ZUP1: variants seen among roughly 807,000 people sequenced by gnomAD.
ZUP1 encodes the protein zinc finger containing ubiquitin peptidase 1, also known as zinc finger-containing ubiquitin peptidase 1.
ZUP1 carries 55 observed loss-of-function variants against 68.1 expected under a neutral mutation model. The ratio of observed to expected loss-of-function variants is 0.81; its 90% CI spans 0.65 to 1.01. The LOEUF (loss-of-function observed/expected upper bound fraction) is 1.01. ZUP1 is among the 50% of genes least tolerant of loss of function. ZUP1 has a pLI of 0.00. For synonymous variants in ZUP1, 223 were observed against 221.5 expected, an observed-to-expected ratio of 1.01 and a Z score of -0.06; for missense variants, 684 against 674.9, an observed-to-expected ratio of 1.01 and a Z score of -0.15.
chr6:116,655,543 T>C (rs1776636456), intron 5 of ZUP1, among the ~76,000 whole-genome samples: 1 of 152,118 alleles, frequency 6.6e-6, no homozygotes, highest in Non-Finnish European at 1.5e-5. Context: ...TAAGTAAATA[T>C]GGCAAAACAT....
chr6:116,643,845 A>C (rs1776200848), intron 9 of ZUP1, among the ~76,000 whole-genome samples: 1 of 152,204 alleles, frequency 6.6e-6, no homozygotes, highest in Admixed American at 6.5e-5. Flanking sequence ...AATGGGATCT[A>C]ATTAAACTAC....
At chr6:116,638,779 T>C (rs973307258) in intron 9 of ZUP1, among the ~76,000 whole-genome samples, 4 of 152,202 alleles carry the variant, frequency 2.6e-5, no homozygotes, top group Non-Finnish European at 5.9e-5. Flanking sequence ...GGGTGATTTC[T>C]GCATTTCCAT....
chr6:116,642,027 A>T (rs1296897385), intron 9 of ZUP1, among the ~76,000 whole-genome samples: 1 of 152,206 alleles, frequency 6.6e-6, no homozygotes, highest in Non-Finnish European at 1.5e-5. Flanking sequence ...CCACAGAAAT[A>T]CAAACTACCA....
chr6:116,635,950 A>G, intron 9 of ZUP1, 71 bp from the exon 10 acceptor site: 3 of 1,074,126 alleles, frequency 2.8e-6, no homozygotes, highest in Non-Finnish European at 3.9e-6. Context: ...TGTCATTCTA[A>G]TGTAAAAAAT....
intron 2 of ZUP1, among the ~76,000 whole-genome samples, chr6:116,661,817 A>G (rs751503489): frequency 3.9e-5 from 6 of 152,228 alleles, no homozygotes; most frequent in Non-Finnish European, 8.8e-5. Context: ...TAAAACTCCC[A>G]TAACAGATGA....
rs61692064 is a variant in ZUP1 at position 116,650,422 on chromosome 6, C to CAAAAAA, written c.1316+1144_1316+1149dup. Among the ~76,000 whole-genome samples the CAAAAAA allele has an allele frequency of 1.1e-3, 52 of 46,502 alleles. 1 individual carries two copies. The highest frequency in any genetic ancestry group is 3.2e-3 in the African/African-American group (35 of 10,838). 30.5% of individuals were successfully genotyped at this position (46,502 alleles called of 152,430 possible). On this transcript the variant is annotated intron_variant, in intron 7 of 9. Coordinates refer to ENST00000368576, the MANE Select transcript of ZUP1 (RefSeq NM_145062.3). The stretch of plus-strand genomic sequence containing the variant: ...GGGCAACACAGCAAAAACTCCGTCT[C>CAAAAAA]AAAAAAAAAAAAAAAAAAAAAAAGA...
chr6:116,661,138 A>G (rs376929611), intron 2 of ZUP1, among the ~76,000 whole-genome samples: 10 of 152,080 alleles, frequency 6.6e-5, no homozygotes, highest in African/African-American at 2.4e-4. Flanking sequence ...AGCATCCCAA[A>G]GTGCTGGGAT....
chr6:116,650,991 A>G (rs1776472862), intron 7 of ZUP1, among the ~76,000 whole-genome samples: 1 of 152,186 alleles, frequency 6.6e-6, no homozygotes, highest in African/African-American at 2.4e-5. Flanking sequence ...CAAAAAGTCC[A>G]GATTGGAGCA....
At position 116,645,812 on chromosome 6, in the gene ZUP1, T is replaced by C. The variant is rs1394353877; in HGVS notation, c.1591A>G (p.Ser531Gly). The change falls in exon 9 of 10, where the codon AGC becomes GGC. Residue 531 changes from serine (S) to glycine (G), a missense_variant. Physicochemically the swap from Ser to Gly is moderately conservative, Grantham distance 56. Coordinates refer to ENST00000368576, the MANE Select transcript of ZUP1 (RefSeq NM_145062.3). ...GATTTCCGAAGTTGCTTGAGACTGC[T>C]AGCCTCTATGTCTTGCTTTAATAAT... ...QKLLKQDIEA[S>G]SLKQLRKSMG... 1.9e-6 allele frequency: 3 copies of C among 1,613,982 alleles called. No homozygotes were observed. The Admixed American group carries it at 5.0e-5, about 27-fold the overall frequency.
intron 9 of ZUP1, among the ~76,000 whole-genome samples, chr6:116,637,385 G>A (rs193160855): frequency 6.6e-6 from 1 of 152,224 alleles, no homozygotes; most frequent in Non-Finnish European, 1.5e-5. Context: ...TACAGAATAA[G>A]CATTAGACAA....
At chr6:116,644,059 A>T (rs1776209192) in intron 9 of ZUP1, among the ~76,000 whole-genome samples, 1 of 152,260 alleles carries the variant, frequency 6.6e-6, no homozygotes, top group Non-Finnish European at 1.5e-5. Context: ...AAAAGAAGAC[A>T]TTTATGCAGC....
At chr6:116,667,382 ATTTAT>A (rs1270394322) in intron 1 of ZUP1, among the ~76,000 whole-genome samples, 175 bp from the exon 2 acceptor site, 1 of 152,134 alleles carries the variant, frequency 6.6e-6, no homozygotes, top group Non-Finnish European at 1.5e-5. Context: ...CCAAAATTTC[ATTTAT>A]TTTTTTTTAA....
intron 1 of ZUP1, among the ~76,000 whole-genome samples, chr6:116,668,157 T>G (rs772606490): frequency 1.7e-4 from 26 of 152,182 alleles, no homozygotes; most frequent in Non-Finnish European, 3.5e-4. Flanking sequence ...TTAAAATACC[T>G]CCCTACATTG....
At chr6:116,641,739 A>G (rs1776107213) in intron 9 of ZUP1, among the ~76,000 whole-genome samples, 2 of 152,232 alleles carry the variant, frequency 1.3e-5, no homozygotes, top group African/African-American at 2.4e-5. Flanking sequence ...AGAAAGCAGA[A>G]AAGATCCAAA....
At chr6:116,636,012 T>C (rs2115372385) in intron 9 of ZUP1, 133 bp from the exon 10 acceptor site, 3 of 549,450 alleles carry the variant, frequency 5.5e-6, no homozygotes, top group Non-Finnish European at 8.7e-6. Context: ...AAAGAAAAAT[T>C]GCAATCTCAA....
rs895152154 is a variant in ZUP1, at chr6:116,656,078, T to G, written c.961+606A>C. Among the ~76,000 whole-genome samples, 7 of 63,028 alleles carry G rather than the reference T, an allele frequency of 1.1e-4. No homozygotes were observed. In the South Asian group the frequency reaches 3.4e-3, roughly 31 times the overall value. 41.3% of individuals were successfully genotyped at this position (63,028 alleles called of 152,430 possible). A position where few individuals can be genotyped will look rare whatever the true frequency, so the allele number is the denominator to read the frequency against. On this transcript the variant is annotated intron_variant, in intron 5 of 9. Transcript: ENST00000368576. The stretch of plus-strand genomic sequence containing the variant: ...CCCTGTTCCTTTTCACTTTTTTTTG[T>G]TTTTTTTTTGTTTTTTTTGAGATGG...
intron 9 of ZUP1, among the ~76,000 whole-genome samples, chr6:116,636,695 T>C (rs1055819928): frequency 6.6e-6 from 1 of 152,116 alleles, no homozygotes; most frequent in African/African-American, 2.4e-5. Context: ...TGCATGATTA[T>C]TAAAAGATCA....
intron 5 of ZUP1, among the ~76,000 whole-genome samples, chr6:116,656,186 T>C (rs1776657970): frequency 6.6e-6 from 1 of 152,154 alleles, no homozygotes; most frequent in Admixed American, 6.6e-5. Context: ...TTCAAGCGAT[T>C]CTCCTGCCTC....
intron 9 of ZUP1, among the ~76,000 whole-genome samples, chr6:116,637,045 A>T (rs996534589): frequency 1.3e-5 from 2 of 152,156 alleles, no homozygotes; most frequent in African/African-American, 4.8e-5. Context: ...AGTTATATTA[A>T]ATTAGTAAGA....
Sources: allele counts gnomAD v4.1 joint callset (sites outside exome capture counted in the v4.1 genomes callset), GRCh38; gene constraint gnomAD v4.1.1; transcripts MANE v1.5; gene names NCBI Gene and HGNC (gene_info 2026-07-23, HGNC 2026-07-21).